Variants in MYRIP observed in about 807,000 individuals in gnomAD.
MYRIP encodes the protein myosin VIIA and Rab interacting protein, also known as rab effector MyRIP.
A neutral mutation model predicts 98.0 loss-of-function variants in MYRIP; 49 were observed. The ratio of observed to expected loss-of-function variants is 0.50; its 90% CI spans 0.40 to 0.63. MYRIP has a LOEUF of 0.63. Among genes scored for constraint, MYRIP ranks in the 30% least tolerant of loss-of-function variants. The pLI, the probability that MYRIP is intolerant of heterozygous loss-of-function variation, is 0.00. For synonymous variants in MYRIP, 404 were observed against 409.5 expected (o/e 0.99, Z 0.16); for missense variants, 1,004 against 1,058.2 (o/e 0.95, Z 0.71).
chr3:40,027,785 T>C (rs923118528), intron 2 of MYRIP, among the ~76,000 whole-genome samples: 3 of 152,074 alleles, frequency 2.0e-5, no homozygotes, highest in African/African-American at 7.2e-5. Context: ...GAGAGAATGA[T>C]TGACATTCTA....
chr3:39,971,285 T>C (rs975855547), intron 2 of MYRIP, among the ~76,000 whole-genome samples: 2 of 152,050 alleles, frequency 1.3e-5, no homozygotes, highest in Non-Finnish European at 2.9e-5. Flanking sequence ...TAAATTTATG[T>C]CCTGATTTTA....
At chr3:40,206,130 T>C (rs1340614092) in intron 10 of MYRIP, among the ~76,000 whole-genome samples, 1 of 152,144 alleles carries the variant, frequency 6.6e-6, no homozygotes, top group African/African-American at 2.4e-5. Flanking sequence ...ATGGACTCCA[T>C]ATCAGCCAAG....
At chr3:39,954,647 G>A (rs1575409842) in intron 2 of MYRIP, among the ~76,000 whole-genome samples, 1 of 152,238 alleles carries the variant, frequency 6.6e-6, no homozygotes, top group South Asian at 2.1e-4. Flanking sequence ...TGCCAGCAAC[G>A]GAGCAAAGCT....
At chr3:39,918,890 T>G (rs1329488754) in intron 2 of MYRIP, among the ~76,000 whole-genome samples, 1 of 152,134 alleles carries the variant, frequency 6.6e-6, no homozygotes, top group Non-Finnish European at 1.5e-5. Context: ...TCAGGGAGAC[T>G]AGATGGTAAA....
intron 1 of MYRIP, among the ~76,000 whole-genome samples, chr3:39,898,289 G>C (rs1359765431): frequency 6.6e-6 from 1 of 152,144 alleles, no homozygotes; most frequent in Non-Finnish European, 1.5e-5. Context: ...TAAAAAAATA[G>C]TTGGAATTCC....
Position 40,104,200 on chromosome 3 carries a change from A to G in MYRIP, c.333-46848A>G, listed in dbSNP as rs540787499. On this transcript the variant is annotated intron_variant, in intron 3 of 16. Coordinates refer to ENST00000302541, the MANE Select transcript of MYRIP (RefSeq NM_015460.4). Reference sequence around the variant, plus strand: ...ACTTCTAGGTATTGTCATTTTTTAAATACCATGTCTCTGGTAGTTTTAAAT... The same window carrying G: ...ACTTCTAGGTATTGTCATTTTTTAAGTACCATGTCTCTGGTAGTTTTAAAT... 2.6e-5 allele frequency among the ~76,000 whole-genome samples: 4 copies of G among 152,318 alleles called. No individual in the cohort carries two copies. The East Asian group carries it at 7.7e-4, about 29-fold the overall frequency.
intron 10 of MYRIP, among the ~76,000 whole-genome samples, chr3:40,199,587 C>G (rs1358881549): frequency 6.6e-6 from 1 of 152,178 alleles, no homozygotes; most frequent in East Asian, 1.9e-4. Context: ...TCGCCTGCCT[C>G]TGAAGTGTAC....
intron 1 of MYRIP, among the ~76,000 whole-genome samples, chr3:39,883,140 T>TGGAGATAG (rs751061769): frequency 2.0e-4 from 30 of 152,160 alleles, no homozygotes; most frequent in Non-Finnish European, 3.1e-4. Context: ...GACAGTTCCT[T>TGGAGATAG]GGAGATAGGG....
chr3:40,151,156 G>A lies in MYRIP; in HGVS notation c.441G>A (p.Leu147=), dbSNP rs753005744. 6.8e-6 allele frequency: 11 copies of A among 1,609,104 alleles called. No homozygotes were observed. The highest frequency in any genetic ancestry group is 8.5e-6 in the Non-Finnish European group (10 of 1,177,520). Residue 147 remains leucine (L), a synonymous_variant, in exon 4 of 17, where the codon CTG becomes CTA. Coordinates refer to ENST00000302541, the MANE Select transcript of MYRIP (RefSeq NM_015460.4). ...VLKNLYRKHR[L]ESGACFDILG... is the part of the protein sequence containing the mutation. ...AGAACCTGTACAGGAAGCACCGGCT[G>A]GAGAGTGGCGCGTGCTTCGACATTC...
intron 3 of MYRIP, among the ~76,000 whole-genome samples, chr3:40,145,613 T>G (rs575305826): frequency 2.0e-5 from 3 of 152,170 alleles, no homozygotes; most frequent in African/African-American, 7.2e-5. Context: ...TCTCACACCA[T>G]GGGTGGGAAG....
At chr3:40,248,345 G>A (rs1248955779) in intron 13 of MYRIP, 1 of 152,222 alleles carries the variant, frequency 6.6e-6, no homozygotes, top group Non-Finnish European at 1.5e-5. Context: ...ATCAGGAAAA[G>A]CTGTTCTTCT....
chr3:40,137,586 C>G (rs1057002017), intron 3 of MYRIP, among the ~76,000 whole-genome samples: 2 of 152,106 alleles, frequency 1.3e-5, no homozygotes, highest in African/African-American at 4.8e-5. Context: ...AAGCAAAAAA[C>G]AGAATTTTAG....
intron 4 of MYRIP, among the ~76,000 whole-genome samples, chr3:40,153,975 A>G (rs1011723186): frequency 6.6e-6 from 1 of 151,908 alleles, no homozygotes; most frequent in Non-Finnish European, 1.5e-5. Flanking sequence ...CCCCATCTCT[A>G]CTAAAATACA....
At chr3:39,910,137 C>A in intron 2 of MYRIP, among the ~76,000 whole-genome samples, 1 of 152,194 alleles carries the variant, frequency 6.6e-6, no homozygotes, top group East Asian at 1.9e-4. Context: ...GATCCACCCA[C>A]CTCTGCCTCC....
chr3:39,904,855 G>A (rs1274554329), intron 2 of MYRIP, among the ~76,000 whole-genome samples: 1 of 152,146 alleles, frequency 6.6e-6, no homozygotes, highest in African/African-American at 2.4e-5. Flanking sequence ...GGGATGTGAT[G>A]CATTGAATTT....
chr3:40,098,010 T>C (rs1222258047), intron 3 of MYRIP, among the ~76,000 whole-genome samples: 1 of 152,214 alleles, frequency 6.6e-6, no homozygotes, highest in Non-Finnish European at 1.5e-5. Flanking sequence ...CTGAGTTTAG[T>C]ACTGCACTCC....
chr3:40,081,039 G>A (rs567480118), intron 3 of MYRIP, among the ~76,000 whole-genome samples: 1 of 151,832 alleles, frequency 6.6e-6, no homozygotes, highest in East Asian at 1.9e-4. Context: ...AACAAAATAT[G>A]AGGTTTTTCT....
intron 3 of MYRIP, among the ~76,000 whole-genome samples, chr3:40,120,594 T>C (rs550723184): frequency 6.6e-6 from 1 of 152,210 alleles, no homozygotes; most frequent in Non-Finnish European, 1.5e-5. Context: ...GATAATTTGA[T>C]GTCTTCAAGA....
At chr3:40,205,411 G>A (rs1023655809) in intron 10 of MYRIP, among the ~76,000 whole-genome samples, 4 of 152,108 alleles carry the variant, frequency 2.6e-5, no homozygotes, top group East Asian at 1.9e-4. Flanking sequence ...CTAAGAAAAT[G>A]AGGACACAAG....
Sources: allele counts gnomAD v4.1 joint callset (sites outside exome capture counted in the v4.1 genomes callset), GRCh38; gene constraint gnomAD v4.1.1; transcripts MANE v1.5; gene names NCBI Gene and HGNC (gene_info 2026-07-23, HGNC 2026-07-21).